DGKB: variants seen among roughly 807,000 people sequenced by gnomAD.
DGKB encodes 90 kDa diacylglycerol kinase.
In DGKB, 67 loss-of-function variants were observed where a neutral mutation model predicts 114.3. The ratio of observed to expected loss-of-function variants is 0.59; its 90% confidence interval spans 0.48 to 0.72. The LOEUF (loss-of-function observed/expected upper bound fraction) is 0.72. DGKB is among the 30% of genes least tolerant of loss of function. The pLI is 0.00. For synonymous variants in DGKB, 398 were observed against 323.1 expected, an observed-to-expected ratio of 1.23 and a Z score of -2.49; for missense variants, 907 against 975.2, an observed-to-expected ratio of 0.93 and a Z score of 0.93.
chr7:14,835,839 T>G (rs1356957412), intron 2 of DGKB, among the ~76,000 whole-genome samples: 1 of 152,218 alleles, frequency 6.6e-6, no homozygotes, highest in African/African-American at 2.4e-5. Flanking sequence ...TGTTTTGACC[T>G]TTGTTATCAC....
At position 14,458,982 on chromosome 7, in the gene DGKB, C is replaced by T. The variant is rs112869413; in HGVS notation, c.1835+19179G>A. 9.2e-3 allele frequency among the ~76,000 whole-genome samples: 1,408 copies of T among 152,280 alleles called. 24 individuals are homozygous for T. The highest frequency in any genetic ancestry group is 0.032 in the African/African-American group (1,348 of 41,564). On this transcript the variant is annotated intron_variant, in intron 21 of 25. Coordinates refer to ENST00000402815, the MANE Select transcript of DGKB (RefSeq NM_001350709.2). ...AAATTCTCGCTGTCAGCACAGCAGT[C>T]TGAAGTCAACCTGGGATGCTCCAGC... is the stretch of plus-strand genomic sequence containing the variant.
At chr7:14,659,419 TTG>T (rs1374959273) in intron 13 of DGKB, among the ~76,000 whole-genome samples, 7 of 151,906 alleles carry the variant, frequency 4.6e-5, no homozygotes, top group African/African-American at 1.7e-4. Flanking sequence ...GAGCAGTAGT[TTG>T]TAGTTCTCCT....
Position 14,255,095 on chromosome 7 carries a change from G to A in DGKB, c.2123-76944C>T, listed in dbSNP as rs1363850881. Among the ~76,000 whole-genome samples, 3 of 152,096 alleles carry A rather than the reference G, an allele frequency of 2.0e-5. No individual in the cohort carries two copies. In the South Asian group the frequency reaches 6.2e-4, roughly 32 times the overall value. On this transcript the variant is annotated intron_variant, in intron 23 of 25. Transcript: ENST00000402815. ...TTATGAAAAAAAGACAAATGGGCAC[G>A]ACAATGTGAAGAAGTCTGAATCTGT...
intron 23 of DGKB, among the ~76,000 whole-genome samples, chr7:14,184,883 T>C (rs1237542907): frequency 2.0e-5 from 3 of 152,078 alleles, no homozygotes; most frequent in Non-Finnish European, 2.9e-5. Context: ...CTTAATGTAA[T>C]AAAAGCCATC....
intron 23 of DGKB, among the ~76,000 whole-genome samples, chr7:14,287,450 T>C (rs1056613024): frequency 2.6e-5 from 4 of 152,176 alleles, no homozygotes; most frequent in Non-Finnish European, 4.4e-5. Context: ...TTGTTCTAAA[T>C]GATTTTCATC....
chr7:14,421,004 G>A (rs773532844), intron 21 of DGKB, among the ~76,000 whole-genome samples: 3 of 151,974 alleles, frequency 2.0e-5, no homozygotes, highest in African/African-American at 4.8e-5. Flanking sequence ...CTGATTGGAC[G>A]TGGGCCAAGC....
intron 23 of DGKB, among the ~76,000 whole-genome samples, chr7:14,222,593 A>T (rs1323771333): frequency 6.6e-6 from 1 of 151,502 alleles, no homozygotes; most frequent in African/African-American, 2.4e-5. Flanking sequence ...AGAAAAGCAT[A>T]GTCTACAGTT....
At chr7:14,601,168 C>T (rs1803479778) in intron 17 of DGKB, among the ~76,000 whole-genome samples, 1 of 152,198 alleles carries the variant, frequency 6.6e-6, no homozygotes, top group South Asian at 2.1e-4. Context: ...TGAAGGGTGG[C>T]TCTGGTTGCA....
At chr7:14,704,302 G>T (rs1415706638) in intron 6 of DGKB, among the ~76,000 whole-genome samples, 2 of 143,756 alleles carry the variant, frequency 1.4e-5, no homozygotes, top group East Asian at 4.2e-4. Context: ...AAAAAAATTA[G>T]CCGGGTGTGG....
intron 25 of DGKB, among the ~76,000 whole-genome samples, chr7:14,170,568 G>C (rs1042484115): frequency 6.6e-6 from 1 of 152,056 alleles, no homozygotes; most frequent in Non-Finnish European, 1.5e-5. Context: ...TTAACTTGCT[G>C]GGTCTTGAAA....
At chr7:14,461,951 A>G (rs1833144791) in intron 21 of DGKB, among the ~76,000 whole-genome samples, 1 of 152,206 alleles carries the variant, frequency 6.6e-6, no homozygotes, top group Non-Finnish European at 1.5e-5. Context: ...CTGGTTCAAC[A>G]TATGCAAATC....
chr7:14,659,832 C>A (rs1816664328), intron 13 of DGKB, among the ~76,000 whole-genome samples: 2 of 151,610 alleles, frequency 1.3e-5, no homozygotes, highest in Admixed American at 1.3e-4. Context: ...GGAATGCTTC[C>A]AGTTTTTGCC....
At chr7:14,443,621 G>A (rs1351083646) in intron 21 of DGKB, among the ~76,000 whole-genome samples, 1 of 152,006 alleles carries the variant, frequency 6.6e-6, no homozygotes, top group Admixed American at 6.6e-5. Flanking sequence ...TGTCACTTTA[G>A]TTGTGTTCCT....
intron 1 of DGKB, among the ~76,000 whole-genome samples, chr7:14,909,683 A>G (rs985338836): frequency 6.6e-5 from 10 of 152,212 alleles, no homozygotes; most frequent in Non-Finnish European, 1.3e-4. Context: ...ATATTTAAAA[A>G]TCAGTCACTT....
intron 2 of DGKB, among the ~76,000 whole-genome samples, chr7:14,820,795 C>G (rs1156519558): frequency 6.6e-6 from 1 of 152,126 alleles, no homozygotes; most frequent in Non-Finnish European, 1.5e-5. Flanking sequence ...CCAAAATTAA[C>G]ATAGTGTGTT....
chr7:14,525,025 G>A (rs1452044401), intron 20 of DGKB, among the ~76,000 whole-genome samples: 8 of 152,070 alleles, frequency 5.3e-5, no homozygotes, highest in African/African-American at 1.9e-4. Context: ...GCTGTGTGAT[G>A]AGTACATGTA....
At chr7:14,700,246 C>T (rs554810238) in intron 7 of DGKB, among the ~76,000 whole-genome samples, 6 of 142,994 alleles carry the variant, frequency 4.2e-5, no homozygotes, top group African/African-American at 1.6e-4. Context: ...TGGAGTCTTG[C>T]TCTCTCGCCC....
intron 17 of DGKB, among the ~76,000 whole-genome samples, chr7:14,592,557 A>G (rs1303783123): frequency 6.6e-6 from 1 of 151,928 alleles, no homozygotes; most frequent in East Asian, 1.9e-4. Context: ...TTTTGAAACA[A>G]TATTTATGGT....
rs546246585 is a variant in DGKB at position 14,758,648 on chromosome 7, AT to A, written c.71-918del. Among the ~76,000 whole-genome samples the A allele has an allele frequency of 1.6e-3, 247 of 152,270 alleles. 3 individuals carry two copies. In the South Asian group the frequency reaches 0.018, roughly 11 times the overall value. On this transcript the variant is annotated intron_variant, in intron 2 of 25. Coordinates refer to ENST00000402815, the MANE Select transcript of DGKB (RefSeq NM_001350709.2). ...GAAAATTATTGGCTACCAATTGAAT[AT>A]AATTCTTGTTGACCTTCCCTAAGAG...
Sources: gnomAD v4.1 joint callset for allele counts (sites outside exome capture counted in the v4.1 genomes callset) on GRCh38, gnomAD v4.1.1 for gene constraint, MANE v1.5 for transcripts, NCBI Gene and HGNC (gene_info 2026-07-23, HGNC 2026-07-21) for gene names.